ADCY5: variants seen among roughly 807,000 people sequenced by gnomAD.
ADCY5 encodes the protein adenylate cyclase 5, also known as adenylate cyclase type 5.
ADCY5 carries 30 observed loss-of-function variants against 119.7 expected under a neutral mutation model. The observed-to-expected ratio is 0.25, with a 90% CI of 0.19 to 0.34. ADCY5 has a LOEUF of 0.34. Among genes scored for constraint, ADCY5 ranks in the 10% least tolerant of loss-of-function variants. The pLI is 1.00. For missense variants in ADCY5, 1,324 were observed against 1,775.2 expected, an observed-to-expected ratio of 0.75 and a Z score of 4.57; for synonymous variants, 753 against 762.2, an observed-to-expected ratio of 0.99 and a Z score of 0.20.
At chr3:123,347,052 G>C (rs1046666411) in intron 3 of ADCY5, among the ~76,000 whole-genome samples, 4 of 152,164 alleles carry the variant, frequency 2.6e-5, no homozygotes, top group Admixed American at 6.5e-5. Context: ...CAGCCTGGCT[G>C]TACCACTGCT....
At chr3:123,316,819 C>T (rs1396660572) in intron 11 of ADCY5, among the ~76,000 whole-genome samples, 1 of 151,842 alleles carries the variant, frequency 6.6e-6, no homozygotes, top group East Asian at 1.9e-4. Flanking sequence ...AGGAAAATGT[C>T]CTTAAGTATA....
chr3:123,427,594 A>G (rs1482663278), intron 1 of ADCY5, among the ~76,000 whole-genome samples: 1 of 152,158 alleles, frequency 6.6e-6, no homozygotes, highest in South Asian at 2.1e-4. Flanking sequence ...AGGACCCTCC[A>G]CTGGACTTGG....
In ADCY5 at chr3:123,448,901, A is replaced by G. The variant is rs1013198451; in HGVS notation, c.-356T>C. On this transcript the variant is annotated 5_prime_UTR_variant, in exon 1 of 21. Coordinates refer to ENST00000462833, the MANE Select transcript of ADCY5 (RefSeq NM_183357.3). ...GACGAGGGCCGGAGTTGCGGACGAG[A>G]CGGGACGGAGTGGTGTCCTTGCGGG... The G allele has an allele frequency of 1.9e-5, 4 of 209,216 alleles. No individual in the cohort carries two copies. The highest frequency in any genetic ancestry group is 2.8e-5 in the Non-Finnish European group (3 of 105,764). 13.0% of individuals were successfully genotyped at this position (209,216 alleles called of 1,614,324 possible).
In ADCY5 at chr3:123,300,285, T is replaced by C. The variant is rs1345568018; in HGVS notation, c.2735A>G (p.Tyr912Cys). The change falls in exon 15 of 21, where the codon TAC becomes TGC. Residue 912 changes from tyrosine to cysteine, a missense_variant. Tyr to Cys is a radical substitution (Grantham distance 194, BLOSUM62 -2). Around this residue, in one of 6 missense-constraint regions of ADCY5, gnomAD observed 424 missense variants for 546.8 expected, o/e 0.78. Coordinates refer to ENST00000462833, the MANE Select transcript of ADCY5 (RefSeq NM_183357.3). ...GGCCAGCAGGCTGAGCAGCACGCTG[T>C]AGGTGAAGTACTGCGGGCAGAGGGC... The part of the protein sequence containing the change: ...PNCNFPEYFT[Y>C]SVLLSLLACS... The C allele has an allele frequency of 1.9e-6, 3 of 1,613,120 alleles. No homozygotes were observed. Among genetic ancestry groups the C allele is most frequent in the South Asian group, 1.1e-5 (1 of 91,080 alleles).
intron 17 of ADCY5, among the ~76,000 whole-genome samples, chr3:123,293,975 T>C (rs1414216511): frequency 6.6e-6 from 1 of 152,024 alleles, no homozygotes; most frequent in Non-Finnish European, 1.5e-5. Flanking sequence ...ATCGCGTGTG[T>C]TGGAAAGTCA....
At chr3:123,428,160 T>C (rs936729043) in intron 1 of ADCY5, among the ~76,000 whole-genome samples, 4 of 152,170 alleles carry the variant, frequency 2.6e-5, no homozygotes, top group Admixed American at 6.5e-5. Context: ...TTTGTCCCCA[T>C]AGCACTCCCG....
At chr3:123,299,863 C>G (rs995028002) in intron 15 of ADCY5, among the ~76,000 whole-genome samples, 9 of 152,250 alleles carry the variant, frequency 5.9e-5, no homozygotes, top group Non-Finnish European at 1.0e-4. Flanking sequence ...AAGCAGCCCA[C>G]TGGAGGCTGC....
rs1939489653 is a variant in ADCY5, at chr3:123,296,149, C to T, written c.2998G>A (p.Ala1000Thr). The change falls in exon 17 of 21, where the codon GCC becomes ACC. Residue 1000 changes from alanine to threonine, a missense_variant. Ala to Thr is a moderately conservative substitution (Grantham distance 58). This residue lies in a region of ADCY5 where 14 missense variants were observed against 24.4 expected (regional missense o/e 0.57). Coordinates refer to ENST00000462833, the MANE Select transcript of ADCY5 (RefSeq NM_183357.3). ...TPIIISVFVLALYLHAQQVES... is the reference protein window; with the variant it reads ...TPIIISVFVLTLYLHAQQVES... ...ACCTGCTGGGCGTGCAGGTACAGGGCCAGCACAAAGACTGAGATGATGATG... is the reference window on the plus strand; with the variant it reads ...ACCTGCTGGGCGTGCAGGTACAGGGTCAGCACAAAGACTGAGATGATGATG... 3.7e-6 allele frequency: 6 copies of T among 1,614,038 alleles called. No homozygotes were observed. In the East Asian group the frequency reaches 6.7e-5, roughly 18 times the overall value.
chr3:123,373,773 A>AC (rs1559845456), intron 1 of ADCY5, among the ~76,000 whole-genome samples: 1 of 35,806 alleles, frequency 2.8e-5, no homozygotes, highest in Non-Finnish European at 5.2e-5. Context: ...CCCCCCCCCG[A>AC]CCCCCCCGCA....
chr3:123,300,529 G>C (rs1442127693), intron 14 of ADCY5, among the ~76,000 whole-genome samples: 1 of 152,228 alleles, frequency 6.6e-6, no homozygotes, highest in African/African-American at 2.4e-5. Context: ...CGTTACAGCT[G>C]CGCTGCAGGC....
At chr3:123,370,605 T>G (rs923189981) in intron 1 of ADCY5, among the ~76,000 whole-genome samples, 1 of 152,196 alleles carries the variant, frequency 6.6e-6, no homozygotes. Context: ...AGCAACCCCA[T>G]GGAACTGAAT....
At chr3:123,328,432 T>C (rs940440878) in intron 6 of ADCY5, among the ~76,000 whole-genome samples, 4 of 152,188 alleles carry the variant, frequency 2.6e-5, no homozygotes, top group Non-Finnish European at 5.9e-5. Flanking sequence ...GGTGACATAA[T>C]GCTCCCACAA....
chr3:123,297,500 C>G, intron 15 of ADCY5, 118 bp from the exon 16 acceptor site: 1 of 1,170,702 alleles, frequency 8.5e-7, no homozygotes, highest in Non-Finnish European at 1.3e-6. Context: ...TCCTTGGCTC[C>G]CCAGCCCCAT....
chr3:123,383,396 G>A lies in ADCY5; in HGVS notation c.1135-30815C>T, dbSNP rs78450971. On this transcript the variant is annotated intron_variant, in intron 1 of 20. Coordinates refer to ENST00000462833, the MANE Select transcript of ADCY5 (RefSeq NM_183357.3). The stretch of plus-strand genomic sequence containing the variant: ...CTGTGGCCGTGCACTTGAGGCAAGC[G>A]CGAAGGCCCACTCTCTCCACTCATG... 1.5e-4 allele frequency among the ~76,000 whole-genome samples: 23 copies of A among 152,322 alleles called. No individual in the cohort carries two copies. In the East Asian group the frequency reaches 3.5e-3, roughly 23 times the overall value.
At chr3:123,340,789 C>T (rs752165175) in intron 3 of ADCY5, among the ~76,000 whole-genome samples, 17 of 152,138 alleles carry the variant, frequency 1.1e-4, no homozygotes, top group Admixed American at 2.0e-4. Context: ...ATAGAATCGC[C>T]GTATGATCCA....
At chr3:123,309,012 A>T (rs772446720) in intron 12 of ADCY5, among the ~76,000 whole-genome samples, 1 of 152,242 alleles carries the variant, frequency 6.6e-6, no homozygotes, top group Non-Finnish European at 1.5e-5. Context: ...CTGTCTTCAA[A>T]AAATAAGTTC....
Position 123,447,466 on chromosome 3 carries a change from G to T in ADCY5, c.1080C>A (p.Leu360=), listed in dbSNP as rs2107658130. Residue 360 remains leucine, a synonymous_variant, in exon 1 of 21, where the codon CTC becomes CTA. Coordinates refer to ENST00000462833, the MANE Select transcript of ADCY5 (RefSeq NM_183357.3). The part of the protein sequence containing the change: ...AVLSGVLLSA[L]HLAIALRTNA... ...TGGTGCGCAGGGCGATGGCCAGGTG[G>T]AGGGCGGACAGGAGCACCCCGCTGA... The T allele has an allele frequency of 3.1e-6, 5 of 1,610,206 alleles. No homozygotes were observed. The highest frequency in any genetic ancestry group is 1.7e-5 in the Admixed American group (1 of 59,808).
At chr3:123,303,837 A>AGG (rs1491167499) in intron 13 of ADCY5, among the ~76,000 whole-genome samples, 1 of 135,368 alleles carries the variant, frequency 7.4e-6, no homozygotes, top group African/African-American at 3.0e-5. Context: ...AACTGGAAAG[A>AGG]AAAGAGAAGA....
intron 1 of ADCY5, among the ~76,000 whole-genome samples, chr3:123,385,783 T>C (rs1462487190): frequency 2.0e-5 from 3 of 152,234 alleles, no homozygotes; most frequent in African/African-American, 7.2e-5. Flanking sequence ...AGAGTTAAAG[T>C]AGATACTAGC....
Sources: allele counts gnomAD v4.1 joint callset (sites outside exome capture counted in the v4.1 genomes callset), GRCh38; gene constraint gnomAD v4.1.1; regional missense constraint gnomAD v4.1.1; transcripts MANE v1.5; gene names NCBI Gene and HGNC (gene_info 2026-07-23, HGNC 2026-07-21).